Variants in STK24 observed in about 807,000 individuals in gnomAD.
The protein encoded by STK24 is serine/threonine kinase 24.
STK24 carries 21 observed loss-of-function variants against 55.6 expected under a neutral mutation model. The observed-to-expected ratio is 0.38, with a 90% confidence interval of 0.27 to 0.54. The LOEUF is 0.54. Among genes scored for constraint, STK24 ranks in the 20% least tolerant of loss-of-function variants. The pLI is 0.79. For synonymous variants in STK24, 200 were observed against 215.2 expected (o/e 0.93, Z 0.62); for missense variants, 383 against 538.4 (o/e 0.71, Z 2.86).
intron 2 of STK24, among the ~76,000 whole-genome samples, chr13:98,496,412 G>T (rs893867429): frequency 2.6e-5 from 4 of 152,228 alleles, no homozygotes; most frequent in Non-Finnish European, 5.9e-5. Context: ...TCAAAGGAGG[G>T]CGTGAGGCTA....
At chr13:98,462,470 G>C (rs1893747121) in intron 7 of STK24, among the ~76,000 whole-genome samples, 1 of 152,066 alleles carries the variant, frequency 6.6e-6, no homozygotes, top group South Asian at 2.1e-4. Context: ...CAGAGGCAAT[G>C]AGCCCCAGGC....
In STK24 at chr13:98,555,397, C is replaced by T. The variant is rs373726160; in HGVS notation, c.42+21348G>A. 1.3e-4 allele frequency among the ~76,000 whole-genome samples: 20 copies of T among 151,970 alleles called. No individual in the cohort carries two copies. The East Asian group carries it at 1.4e-3, about 10-fold the overall frequency. The stretch of plus-strand genomic sequence containing the variant: ...GAGACTGAGACCATCCTGGCTAATA[C>T]GGTGAAACCCCATCTCTACTAAAAA... On this transcript the variant is annotated intron_variant, in intron 1 of 10. Coordinates refer to ENST00000539966, the MANE Select transcript of STK24 (RefSeq NM_001032296.4).
chr13:98,461,723 A>G, intron 8 of STK24, 51 bp downstream of exon 8: 1 of 1,600,556 alleles, frequency 6.2e-7, no homozygotes, highest in African/African-American at 1.3e-5. Context: ...AGTGCCTCCA[A>G]AACACTGCAG....
intron 1 of STK24, among the ~76,000 whole-genome samples, chr13:98,541,817 C>T (rs1245807452): frequency 6.6e-6 from 1 of 152,202 alleles, no homozygotes; most frequent in African/African-American, 2.4e-5. Flanking sequence ...ATCTAAACAG[C>T]ACGCACTGGT....
Position 98,460,831 on chromosome 13 carries a change from A to G in STK24, c.1054-391T>C, listed in dbSNP as rs145699051. Among the ~76,000 whole-genome samples the G allele has an allele frequency of 4.4e-3, 674 of 152,038 alleles. 6 individuals carry two copies. The highest frequency in any genetic ancestry group is 0.015 in the African/African-American group (642 of 41,484). On this transcript the variant is annotated intron_variant, in intron 8 of 10. Coordinates refer to ENST00000539966, the MANE Select transcript of STK24 (RefSeq NM_001032296.4). ...GAAGCAGGAGGATCACTTGAGCCCA[A>G]GAGTTCGAGACCAGCTTGGGCAACA...
At chr13:98,489,783 C>T (rs761980604) in intron 2 of STK24, among the ~76,000 whole-genome samples, 3 of 152,160 alleles carry the variant, frequency 2.0e-5, no homozygotes, top group Non-Finnish European at 4.4e-5. Flanking sequence ...AGAGGGACAC[C>T]CTTGAAGCCA....
intron 3 of STK24, among the ~76,000 whole-genome samples, chr13:98,481,528 C>T (rs541996997): frequency 6.6e-6 from 1 of 152,296 alleles, no homozygotes; most frequent in South Asian, 2.1e-4. Context: ...TCACACCCTG[C>T]CCCTTACTTC....
At chr13:98,488,434 T>C (rs977132383) in intron 2 of STK24, among the ~76,000 whole-genome samples, 14 of 152,348 alleles carry the variant, frequency 9.2e-5, no homozygotes, top group African/African-American at 3.1e-4. Context: ...CTTTCTCCTA[T>C]TGTAAGGCTG....
chr13:98,539,353 C>A (rs1341692697), intron 1 of STK24, among the ~76,000 whole-genome samples: 1 of 152,164 alleles, frequency 6.6e-6, no homozygotes, highest in African/African-American at 2.4e-5. Flanking sequence ...TCGTCCCCTT[C>A]CTATATTAAA....
chr13:98,504,345 C>T (rs552406891), intron 2 of STK24, among the ~76,000 whole-genome samples: 1 of 152,332 alleles, frequency 6.6e-6, no homozygotes, highest in African/African-American at 2.4e-5. Flanking sequence ...ATCCATTTTC[C>T]AGTCTGTAGC....
chr13:98,560,647 C>T (rs532990957), intron 1 of STK24, among the ~76,000 whole-genome samples: 17 of 151,996 alleles, frequency 1.1e-4, no homozygotes, highest in African/African-American at 4.1e-4. Context: ...GGAAAGCCGA[C>T]GTGGGTGGAT....
chr13:98,460,289 A>G, intron 9 of STK24, 83 bp downstream of exon 9: 1 of 1,307,032 alleles, frequency 7.7e-7, no homozygotes, highest in South Asian at 1.3e-5. Context: ...CCCAACTCTT[A>G]ACTGGCAACA....
At chr13:98,496,769 AG>A (rs1321656940) in intron 2 of STK24, among the ~76,000 whole-genome samples, 1 of 152,272 alleles carries the variant, frequency 6.6e-6, no homozygotes, top group Non-Finnish European at 1.5e-5. Context: ...ATTCCTTTAG[AG>A]GGCAGAGTTG....
rs187296189 is a variant in STK24 at position 98,475,326 on chromosome 13, G to C, written c.363C>G (p.Ile121Met). 6.2e-7 allele frequency: 1 copy of C among 1,612,710 alleles called. No homozygotes were observed. The highest frequency in any genetic ancestry group is 8.5e-7 in the Non-Finnish European group (1 of 1,179,536). The change falls in exon 4 of 11, where the codon ATC (isoleucine) becomes ATG (methionine). Residue 121 changes from isoleucine to methionine, a missense_variant. Ile to Met is a conservative substitution (Grantham distance 10). Transcript: ENST00000539966. ...TCAGTATTTCTCTTAATATAGTAGC[G>C]ATCTGGGTTTCATCTAATGGGCCAG... is the stretch of plus-strand genomic sequence containing the variant. ...LEPGPLDETQ[I>M]ATILREILKG...
chr13:98,468,977 G>A (rs970564244), intron 5 of STK24, among the ~76,000 whole-genome samples: 4 of 152,206 alleles, frequency 2.6e-5, no homozygotes, highest in Non-Finnish European at 4.4e-5. Flanking sequence ...AAACACACTC[G>A]GTGACTGGCA....
chr13:98,454,093 T>C (rs1893335201), intron 10 of STK24: 1 of 152,222 alleles, frequency 6.6e-6, no homozygotes, highest in African/African-American at 2.4e-5. Flanking sequence ...ACAACTTCTG[T>C]ATCCTAAATT....
chr13:98,522,579 T>C (rs1300721863), intron 1 of STK24, among the ~76,000 whole-genome samples: 1 of 152,184 alleles, frequency 6.6e-6, no homozygotes, highest in African/African-American at 2.4e-5. Flanking sequence ...TCCCAAGCAT[T>C]CTCTCTTTCT....
At chr13:98,475,392 A>C (rs780921534) in intron 3 of STK24, 34 bp from the exon 4 acceptor site, 2 of 1,445,350 alleles carry the variant, frequency 1.4e-6, no homozygotes, top group Non-Finnish European at 1.9e-6. Flanking sequence ...AAGTTACTTA[A>C]ATGATTATCT....
chr13:98,515,767 T>C (rs1896036051), intron 2 of STK24, among the ~76,000 whole-genome samples: 1 of 152,218 alleles, frequency 6.6e-6, no homozygotes, highest in Non-Finnish European at 1.5e-5. Context: ...CTGTGAATGC[T>C]AGCTACCCCA....
Sources: allele counts gnomAD v4.1 joint callset (sites outside exome capture counted in the v4.1 genomes callset), GRCh38; gene constraint gnomAD v4.1.1; transcripts MANE v1.5; gene names NCBI Gene and HGNC (gene_info 2026-07-23, HGNC 2026-07-21).